Variants in EFEMP1 observed in about 807,000 individuals in gnomAD.
EFEMP1 encodes the protein EGF-containing fibulin-like extracellular matrix protein 1.
EFEMP1 carries 18 observed loss-of-function variants against 65.7 expected under a neutral mutation model. That is an observed-to-expected ratio of 0.27 (90% confidence interval 0.19 to 0.41). EFEMP1 has a LOEUF of 0.41. Among genes scored for constraint, EFEMP1 ranks in the 10% least tolerant of loss-of-function variants. EFEMP1 has a pLI of 1.00. For synonymous variants in EFEMP1, 237 were observed against 219.7 expected (o/e 1.08, Z -0.70); for missense variants, 469 against 624.8 (o/e 0.75, Z 2.66).
intron 5 of EFEMP1, among the ~76,000 whole-genome samples, chr2:55,887,420 A>C (rs1299587324): frequency 6.6e-6 from 1 of 152,010 alleles, no homozygotes; most frequent in Non-Finnish European, 1.5e-5. Flanking sequence ...TAGCTCTCCA[A>C]GTTTTCTGTT....
Position 55,919,405 on chromosome 2 carries a change from G to A in EFEMP1, c.82-1138C>T, listed in dbSNP as rs754539808. ...TCTGTAGGTCTGGGTAGGGGGCCTG[G>A]AATCTAAATTCTTAGCAAGTATCCC... is the stretch of plus-strand genomic sequence containing the variant. On this transcript the variant is annotated intron_variant, in intron 3 of 11. Transcript: ENST00000355426. This position sits in a 1 kb window ranked among gnomAD's most constrained non-coding sequence, Gnocchi z 4.5. Among the ~76,000 whole-genome samples the A allele has an allele frequency of 2.0e-5, 3 of 152,170 alleles. No individual in the cohort carries two copies. Among genetic ancestry groups the A allele is most frequent in the Non-Finnish European group, 2.9e-5 (2 of 68,032 alleles).
In EFEMP1 at chr2:55,900,067, C is replaced by T. The variant is rs548063712; in HGVS notation, c.517+17598G>A. On this transcript the variant is annotated intron_variant, in intron 5 of 11. Coordinates refer to ENST00000355426, the MANE Select transcript of EFEMP1 (RefSeq NM_001039348.3). ...ATTAGACACTCAGTTGTGAGCTATG[C>T]GGTTAAGTTCAGAAACCTACAACAA... Among the ~76,000 whole-genome samples, 7 of 152,222 alleles carry T rather than the reference C, an allele frequency of 4.6e-5. No individual in the cohort carries two copies. The South Asian group carries it at 8.3e-4, about 18-fold the overall frequency.
intron 5 of EFEMP1, 60 bp from the exon 6 acceptor site, chr2:55,881,794 C>A: frequency 6.2e-7 from 1 of 1,608,628 alleles, no homozygotes; most frequent in Non-Finnish European, 8.5e-7. Flanking sequence ...ATATTTCCTC[C>A]ATTTTGCCAC....
rs1010664717 is a variant in EFEMP1, at chr2:55,919,549, G to A, written c.82-1282C>T. Among the ~76,000 whole-genome samples the A allele has an allele frequency of 3.9e-5, 6 of 152,230 alleles. No individual in the cohort carries two copies. The highest frequency in any genetic ancestry group is 1.4e-4 in the African/African-American group (6 of 41,456). ...ACAATCTGATCAGACGCTCATTTGA[G>A]AAAGTCACTGTAAGGAAGAAGCCCA... is the stretch of plus-strand genomic sequence containing the variant. On this transcript the variant is annotated intron_variant, in intron 3 of 11. Transcript: ENST00000355426. This position sits in a 1 kb window ranked among gnomAD's most constrained non-coding sequence, Gnocchi z 4.5.
chr2:55,903,025 A>G (rs1231141700), intron 5 of EFEMP1, among the ~76,000 whole-genome samples: 1 of 152,222 alleles, frequency 6.6e-6, no homozygotes, highest in East Asian at 1.9e-4. Flanking sequence ...TCTTAATTTT[A>G]ATAGCTGAGA....
At chr2:55,897,120 T>C (rs1018509947) in intron 5 of EFEMP1, among the ~76,000 whole-genome samples, 2 of 152,238 alleles carry the variant, frequency 1.3e-5, no homozygotes, top group East Asian at 3.8e-4. Flanking sequence ...ACTTAAAATG[T>C]CACACTGTAA....
chr2:55,901,394 G>A (rs1043796699), intron 5 of EFEMP1, among the ~76,000 whole-genome samples: 1 of 152,030 alleles, frequency 6.6e-6, no homozygotes, highest in Non-Finnish European at 1.5e-5. Flanking sequence ...TGAAGGAGAT[G>A]GAATCATTTA....
intron 5 of EFEMP1, among the ~76,000 whole-genome samples, chr2:55,905,245 A>G (rs1670209243): frequency 6.6e-6 from 1 of 152,124 alleles, no homozygotes; most frequent in Non-Finnish European, 1.5e-5. Context: ...GAAAAATACC[A>G]TTCACATTTT....
At chr2:55,907,425 G>T (rs1670322882) in intron 5 of EFEMP1, among the ~76,000 whole-genome samples, 1 of 152,154 alleles carries the variant, frequency 6.6e-6, no homozygotes, top group Non-Finnish European at 1.5e-5. Flanking sequence ...TTTTTTAGAA[G>T]TGGAATCTTT....
At chr2:55,888,435 T>C (rs1669509233) in intron 5 of EFEMP1, among the ~76,000 whole-genome samples, 1 of 150,064 alleles carries the variant, frequency 6.7e-6, no homozygotes, top group Non-Finnish European at 1.5e-5. Flanking sequence ...CCTCCCAGAT[T>C]CCAGCGATTC....
At position 55,867,658 on chromosome 2, in the gene EFEMP1, T is replaced by C. The variant is rs953197488; in HGVS notation, c.1321-424A>G. 2.0e-5 allele frequency among the ~76,000 whole-genome samples: 3 copies of C among 152,058 alleles called. No homozygotes were observed. The highest frequency in any genetic ancestry group is 4.4e-5 in the Non-Finnish European group (3 of 68,008). ...GTAAGTAAAGAGAAATGGAAACAGT[T>C]TTTCAACAGAATATGGTAAATGCTA... On this transcript the variant is annotated intron_variant, in intron 11 of 11. Transcript: ENST00000355426. This position sits in a 1 kb window ranked among gnomAD's most constrained non-coding sequence, Gnocchi z 4.3.
rs577486140 is a variant in EFEMP1, at chr2:55,866,911, A to G, written c.*162T>C. 1 of 885,514 alleles carries G rather than the reference A, an allele frequency of 1.1e-6. No individual in the cohort carries two copies. Among genetic ancestry groups the G allele is most frequent in the East Asian group, 2.7e-5 (1 of 37,396 alleles). 54.9% of individuals were successfully genotyped at this position (885,514 alleles called of 1,614,324 possible). ...AAAGACAAACTTTGAATCTTTACAT[A>G]TTAAATGCCCACTTTATACCATGGT... On this transcript the variant is annotated 3_prime_UTR_variant, in exon 12 of 12. Transcript: ENST00000355426.
At chr2:55,899,052 C>G (rs545202628) in intron 5 of EFEMP1, among the ~76,000 whole-genome samples, 14 of 152,310 alleles carry the variant, frequency 9.2e-5, no homozygotes, top group Admixed American at 2.0e-4. Flanking sequence ...AAAGCCTGTC[C>G]TGTTCTTCTC....
rs772639652 is a variant in EFEMP1 at position 55,867,137 on chromosome 2, A to G, written c.1418T>C (p.Ile473Thr). The change falls in exon 12 of 12, where the codon ATA (isoleucine) becomes ACA (threonine). Residue 473 changes from isoleucine to threonine, a missense_variant. Physicochemically the swap from Ile to Thr is moderately conservative, Grantham distance 89. Around this residue, in one of 3 missense-constraint regions of EFEMP1, gnomAD observed 399 missense variants for 528.2 expected, o/e 0.76. Transcript: ENST00000355426. This position sits in a 1 kb window ranked among gnomAD's most constrained non-coding sequence, Gnocchi z 4.3. ...CACAGAGCTTGTGCGGAAGGTCCCT[A>G]TACTGCTGACTGTCAGCATCTCCAG... ...VDLEMLTVSSIGTFRTSSVLR... is the reference protein window; with the variant it reads ...VDLEMLTVSSTGTFRTSSVLR... 3.7e-6 allele frequency: 6 copies of G among 1,613,818 alleles called. No individual in the cohort carries two copies. The African/African-American group carries it at 4.0e-5, about 11-fold the overall frequency.
In EFEMP1 at chr2:55,881,683, C is replaced by T; in HGVS notation, c.569G>A (p.Cys190Tyr). Reference protein sequence around the residue: ...GTHNCRADQVCINLRGSFACQ... With the variant: ...GTHNCRADQVYINLRGSFACQ... ...TGCAAAGGATCCCCGTAAATTGATG[C>T]ACACTTGGTCTGCTCTACAGTTGTG... Residue 190 changes from cysteine (C) to tyrosine (Y), a missense_variant, in exon 6 of 12, where the codon TGC (cysteine) becomes TAC (tyrosine). This residue lies in a region of EFEMP1 where 399 missense variants were observed against 528.2 expected (regional missense o/e 0.76). Transcript: ENST00000355426. 1 of 1,613,932 alleles carries T rather than the reference C, an allele frequency of 6.2e-7. No individual in the cohort carries two copies.
Position 55,922,467 on chromosome 2 carries a change from A to G in EFEMP1, c.-7-20T>C. ...GTGAATCTCAAAGAAAATACAGGAC[A>G]AACTAATGTTTAGTATCTGCTGCGG... On this transcript the variant is annotated intron_variant, in intron 2 of 11. Coordinates refer to ENST00000355426, the MANE Select transcript of EFEMP1 (RefSeq NM_001039348.3). This position sits in a 1 kb window ranked among gnomAD's most constrained non-coding sequence, Gnocchi z 5.5. 3 of 1,606,850 alleles carry G rather than the reference A, an allele frequency of 1.9e-6. No homozygotes were observed. Among genetic ancestry groups the G allele is most frequent in the East Asian group, 4.5e-5 (2 of 44,792 alleles).
chr2:55,915,818 G>T (rs898274895), intron 5 of EFEMP1, among the ~76,000 whole-genome samples: 2 of 151,966 alleles, frequency 1.3e-5, no homozygotes, highest in East Asian at 1.9e-4. Context: ...ATAAACTCAA[G>T]ATTTTTTTTA....
In EFEMP1 at chr2:55,923,379, C is replaced by G. The variant is rs781007108; in HGVS notation, c.-49+332G>C. Among the ~76,000 whole-genome samples, 1 of 152,148 alleles carries G rather than the reference C, an allele frequency of 6.6e-6. No homozygotes were observed. The highest frequency in any genetic ancestry group is 1.5e-5 in the Non-Finnish European group (1 of 68,032). ...AGCTGCTCAGCGTCCCAGCTTCTAA[C>G]CAGCTCCTATGGAATCCAGGTGCGG... On this transcript the variant is annotated intron_variant, in intron 1 of 11. Coordinates refer to ENST00000355426, the MANE Select transcript of EFEMP1 (RefSeq NM_001039348.3). The surrounding 1 kb of genome is among the most constrained non-coding windows in gnomAD (Gnocchi z 5.3).
Position 55,870,573 on chromosome 2 carries a change from G to A in EFEMP1, c.1320+147C>T, listed in dbSNP as rs1668763923. 3 of 852,608 alleles carry A rather than the reference G, an allele frequency of 3.5e-6. No homozygotes were observed. Among genetic ancestry groups the A allele is most frequent in the East Asian group, 5.2e-5 (2 of 38,424 alleles). The allele number at this position is 852,608 out of a possible 1,614,324, so 52.8% of individuals were successfully genotyped here. ...GAGGAATAAATGAAATAATGTAGCT[G>A]GAAGGCCTTACACAATGCCTACACA... On this transcript the variant is annotated intron_variant, in intron 11 of 11. Coordinates refer to ENST00000355426, the MANE Select transcript of EFEMP1 (RefSeq NM_001039348.3). The surrounding 1 kb of genome is among the most constrained non-coding windows in gnomAD (Gnocchi z 5.8).
Sources: allele counts gnomAD v4.1 joint callset (sites outside exome capture counted in the v4.1 genomes callset), GRCh38; gene constraint gnomAD v4.1.1; regional missense constraint gnomAD v4.1.1; non-coding constraint Gnocchi (gnomAD v3.1); transcripts MANE v1.5; gene names NCBI Gene and HGNC (gene_info 2026-07-23, HGNC 2026-07-21).